NDST3: variants seen among roughly 807,000 people sequenced by gnomAD.
The protein encoded by NDST3 is N-deacetylase and N-sulfotransferase 3.
A neutral mutation model predicts 96.1 loss-of-function variants in NDST3; 58 were observed. The ratio of observed to expected loss-of-function variants is 0.60; its 90% confidence interval spans 0.49 to 0.75. NDST3 has a LOEUF of 0.75. NDST3 is among the 30% of genes least tolerant of loss of function. The probability of loss-of-function intolerance (pLI) is 0.00; values close to 1 mark genes in which losing one functional copy is unlikely to be tolerated. For missense variants in NDST3, 788 were observed against 1,034.2 expected, an observed-to-expected ratio of 0.76 and a Z score of 3.27; for synonymous variants, 333 against 359.7, an observed-to-expected ratio of 0.93 and a Z score of 0.84.
chr4:118,168,736 C>A (rs753120371), intron 6 of NDST3, among the ~76,000 whole-genome samples: 5 of 152,088 alleles, frequency 3.3e-5, no homozygotes, highest in African/African-American at 1.2e-4. Flanking sequence ...GTCCATCAAT[C>A]GGCAAACGGG....
chr4:118,145,163 A>G (rs939999164), intron 6 of NDST3, among the ~76,000 whole-genome samples: 1 of 152,228 alleles, frequency 6.6e-6, no homozygotes, highest in African/African-American at 2.4e-5. Flanking sequence ...CTCCTTATAC[A>G]GCTTTCTTCT....
In NDST3 at chr4:118,208,550, T is replaced by A. The variant is rs1278492789; in HGVS notation, c.1540-15941T>A. On this transcript the variant is annotated intron_variant, in intron 6 of 13. Coordinates refer to ENST00000296499, the MANE Select transcript of NDST3 (RefSeq NM_004784.3). ...TGTGACAAACTTTACTTCTTAAAAT[T>A]TCTTATTTCAATCAAAACAGATGTG... Among the ~76,000 whole-genome samples, 2 of 144,512 alleles carry A rather than the reference T, an allele frequency of 1.4e-5. 1 individual carries two copies. Among genetic ancestry groups the A allele is most frequent in the Non-Finnish European group, 3.1e-5 (2 of 65,244 alleles). 94.8% of individuals were successfully genotyped at this position (144,512 alleles called of 152,430 possible). A position where few individuals can be genotyped will look rare whatever the true frequency, so the allele number is the denominator to read the frequency against.
intron 2 of NDST3, among the ~76,000 whole-genome samples, chr4:118,079,595 C>T (rs886104234): frequency 1.3e-5 from 2 of 152,084 alleles, no homozygotes; most frequent in African/African-American, 4.8e-5. Flanking sequence ...CAGACAGGAA[C>T]CAGATTATGT....
At position 118,143,676 on chromosome 4, in the gene NDST3, C is replaced by T. The variant is rs766727875; in HGVS notation, c.1531C>T (p.Leu511Phe). The change falls in exon 6 of 14, where the codon CTC (leucine) becomes TTC (phenylalanine). Residue 511 changes from leucine to phenylalanine, a missense_variant. Leu to Phe is a conservative substitution (Grantham distance 22). This residue lies in a region of NDST3 where 490 missense variants were observed against 708.8 expected (regional missense o/e 0.69). Transcript: ENST00000296499. ...AGGAGAACTTTTCTTCACTGTCGTC[C>T]TCAACCCTGTAAGTACTTTATTCTC... ...QGGELFFTVV[L>F]NPISIFMTHL... 4 of 1,594,334 alleles carry T rather than the reference C, an allele frequency of 2.5e-6. No individual in the cohort carries two copies. The Admixed American group carries it at 7.4e-5, about 29-fold the overall frequency.
At chr4:118,197,803 C>CTTTTTT (rs749135213) in intron 6 of NDST3, among the ~76,000 whole-genome samples, 2 of 127,384 alleles carry the variant, frequency 1.6e-5, no homozygotes, top group African/African-American at 2.9e-5. Flanking sequence ...TGGCTTTTGG[C>CTTTTTT]TTTTTTTTTT....
intron 3 of NDST3, among the ~76,000 whole-genome samples, chr4:118,109,696 T>G (rs986943662): frequency 3.3e-5 from 5 of 152,184 alleles, no homozygotes; most frequent in Admixed American, 3.3e-4. Context: ...AATTTAATAT[T>G]TGATCTTTCA....
intron 2 of NDST3, among the ~76,000 whole-genome samples, chr4:118,080,780 G>T (rs1727946901): frequency 6.6e-6 from 1 of 152,172 alleles, no homozygotes; most frequent in Middle Eastern, 3.4e-3. Context: ...TGAATAATCT[G>T]TGTTTTCCAT....
At chr4:118,148,266 C>A (rs757839125) in intron 6 of NDST3, among the ~76,000 whole-genome samples, 1 of 152,166 alleles carries the variant, frequency 6.6e-6, no homozygotes, top group Non-Finnish European at 1.5e-5. Context: ...CCACTGCACT[C>A]CAGCCTGGGC....
At chr4:118,083,863 C>T (rs2125821277) in intron 2 of NDST3, among the ~76,000 whole-genome samples, 1 of 152,206 alleles carries the variant, frequency 6.6e-6, no homozygotes, top group South Asian at 2.1e-4. Context: ...TGTGCCTTTA[C>T]AATTTTTAAC....
intron 1 of NDST3, among the ~76,000 whole-genome samples, chr4:118,037,487 C>T (rs946406446): frequency 2.6e-5 from 4 of 152,262 alleles, no homozygotes; most frequent in African/African-American, 4.8e-5. Flanking sequence ...AGTTTGAGTC[C>T]GGCTCCAGCA....
intron 12 of NDST3, among the ~76,000 whole-genome samples, chr4:118,246,872 T>G (rs899390894): frequency 6.6e-6 from 1 of 152,130 alleles, no homozygotes; most frequent in Non-Finnish European, 1.5e-5. Context: ...ATTATTAAAA[T>G]CCAAGGTGAG....
intron 4 of NDST3, among the ~76,000 whole-genome samples, chr4:118,136,834 T>C (rs1733140339): frequency 1.3e-5 from 2 of 152,002 alleles, no homozygotes; most frequent in South Asian, 4.1e-4. Context: ...ATGAAGGAAA[T>C]CATCAGAAAT....
chr4:118,164,454 C>A (rs1037111886), intron 6 of NDST3, among the ~76,000 whole-genome samples: 13 of 151,140 alleles, frequency 8.6e-5, no homozygotes, highest in Non-Finnish European at 1.6e-4. Flanking sequence ...CATGAGAGTA[C>A]CTATATAAGA....
chr4:118,124,024 T>C (rs923858978), intron 4 of NDST3, among the ~76,000 whole-genome samples: 1 of 152,112 alleles, frequency 6.6e-6, no homozygotes, highest in African/African-American at 2.4e-5. Flanking sequence ...TGAAATAATT[T>C]AGCTGCTAAC....
intron 2 of NDST3, among the ~76,000 whole-genome samples, chr4:118,101,702 A>G (rs1309962597): frequency 6.6e-6 from 1 of 152,122 alleles, no homozygotes; most frequent in Non-Finnish European, 1.5e-5. Flanking sequence ...GGTATACCCT[A>G]CTACACACCT....
rs1345004879 is a variant in NDST3 at position 118,255,739 on chromosome 4, C to T, written c.*27C>T. 2.5e-6 allele frequency: 4 copies of T among 1,598,894 alleles called. No individual in the cohort carries two copies. The highest frequency in any genetic ancestry group is 2.2e-5 in the East Asian group (1 of 44,486). On this transcript the variant is annotated 3_prime_UTR_variant, in exon 14 of 14. Transcript: ENST00000296499. The stretch of plus-strand genomic sequence containing the variant: ...ACTGAGAGAAAACTTGAGACTTCAT[C>T]GTCCATGTAGAACACACCTTTTCCA...
At chr4:118,194,499 C>T in intron 6 of NDST3, 1 of 721,044 alleles carries the variant, frequency 1.4e-6, no homozygotes, top group South Asian at 1.5e-5. Context: ...GCCTTGTTGA[C>T]CTCCCCTTTT....
At chr4:118,218,368 G>A (rs902565812) in intron 6 of NDST3, among the ~76,000 whole-genome samples, 2 of 152,032 alleles carry the variant, frequency 1.3e-5, no homozygotes, top group Non-Finnish European at 2.9e-5. Flanking sequence ...TTCATCCCTG[G>A]GATTCAAGGC....
At chr4:118,111,783 A>G (rs1181709832) in intron 3 of NDST3, among the ~76,000 whole-genome samples, 1 of 152,046 alleles carries the variant, frequency 6.6e-6, no homozygotes, top group East Asian at 1.9e-4. Flanking sequence ...GGCAGATATC[A>G]TTTGTCTAAC....
Sources: gnomAD v4.1 joint callset for allele counts (sites outside exome capture counted in the v4.1 genomes callset) on GRCh38, gnomAD v4.1.1 for gene constraint, gnomAD v4.1.1 regional missense constraint, MANE v1.5 for transcripts, NCBI Gene and HGNC (gene_info 2026-07-23, HGNC 2026-07-21) for gene names.